The following BEST3 variants were observed in gnomAD, a reference collection of about 807,000 sequenced individuals.
BEST3 encodes the protein bestrophin-3.
BEST3 carries 50 observed loss-of-function variants against 47.1 expected under a neutral mutation model. That is an observed-to-expected ratio of 1.06 (90% CI 0.85 to 1.34). The LOEUF (loss-of-function observed/expected upper bound fraction) is 1.34. Ranked by LOEUF, BEST3 falls within the 40% of genes most tolerant of loss-of-function variation. The pLI is 0.00. For synonymous variants in BEST3, 282 were observed against 298.8 expected (o/e 0.94, Z 0.58); for missense variants, 765 against 817.0 (o/e 0.94, Z 0.78).
chr12:69,667,540 C>T (rs1286575828), intron 9 of BEST3, among the ~76,000 whole-genome samples: 1 of 152,180 alleles, frequency 6.6e-6, no homozygotes. Context: ...AACTGATCCA[C>T]CTGCCTCAGC....
chr12:69,686,304 GAGA>G (rs759809614), intron 4 of BEST3, among the ~76,000 whole-genome samples: 3 of 152,122 alleles, frequency 2.0e-5, no homozygotes, highest in Non-Finnish European at 4.4e-5. Context: ...AGTGAGAGAG[GAGA>G]AGATCACAGA....
downstream of BEST3, chr12:69,653,492 A>T: frequency 5.0e-6 from 2 of 401,880 alleles, no homozygotes; most frequent in Non-Finnish European, 6.8e-6. Context: ...ATGTGATTTT[A>T]GGCAAATACC....
intron 9 of BEST3, chr12:69,669,550 T>A (rs1462382322): frequency 6.6e-6 from 1 of 152,196 alleles, no homozygotes; most frequent in Non-Finnish European, 1.5e-5. Context: ...ATTTCCAGGG[T>A]AAGTTTAATA....
intron 9 of BEST3, among the ~76,000 whole-genome samples, chr12:69,646,604 C>T (rs1398838254): frequency 6.6e-6 from 1 of 152,182 alleles, no homozygotes; most frequent in South Asian, 2.1e-4. Flanking sequence ...ATGAGAAGGG[C>T]ATTGTCCCAC....
intron 4 of BEST3, among the ~76,000 whole-genome samples, chr12:69,691,533 G>T (rs1012650416): frequency 6.6e-6 from 1 of 152,138 alleles, no homozygotes; most frequent in Non-Finnish European, 1.5e-5. Context: ...GGTGGTTCAC[G>T]CCTGTAATCC....
intron 9 of BEST3, chr12:69,660,008 G>C (rs1473378005): frequency 6.6e-6 from 1 of 152,142 alleles, no homozygotes; most frequent in African/African-American, 2.4e-5. Flanking sequence ...TTTGAGCACT[G>C]TCTCTGTGGT....
At chr12:69,655,930 G>A in intron 9 of BEST3, 117 bp from the exon 10 acceptor site, 1 of 1,429,188 alleles carries the variant, frequency 7.0e-7, no homozygotes, top group South Asian at 1.5e-5. Context: ...TTTTTAAATG[G>A]GGGTTTGAGG....
chr12:69,670,216 A>AAATGTACACAGG (rs1884472060), intron 9 of BEST3: 3 of 488,470 alleles, frequency 6.1e-6, no homozygotes, highest in African/African-American at 1.9e-5. Flanking sequence ...GCATACAACA[A>AAATGTACACAGG]GAGATTCCTA....
chr12:69,684,092 G>A (rs1056049878), intron 4 of BEST3: 1 of 154,538 alleles, frequency 6.5e-6, no homozygotes, highest in African/African-American at 2.4e-5. Flanking sequence ...CCCACCACTT[G>A]GTTCCCTGCA....
chr12:69,657,502 A>T (rs746895283), intron 9 of BEST3, among the ~76,000 whole-genome samples: 2 of 152,122 alleles, frequency 1.3e-5, no homozygotes, highest in Non-Finnish European at 2.9e-5. Flanking sequence ...TTACATAGTT[A>T]TTTGCCACAC....
chr12:69,656,808 G>T (rs907868852), intron 9 of BEST3, among the ~76,000 whole-genome samples: 1 of 152,102 alleles, frequency 6.6e-6, no homozygotes, highest in Non-Finnish European at 1.5e-5. Flanking sequence ...TACTACACAG[G>T]GGTCAAGGGA....
chr12:69,672,460 C>T (rs1402890765), intron 8 of BEST3, among the ~76,000 whole-genome samples: 1 of 152,236 alleles, frequency 6.6e-6, no homozygotes. Context: ...TCCCAGTGTC[C>T]AGCTGGTGGC....
intron 9 of BEST3, among the ~76,000 whole-genome samples, chr12:69,645,526 G>C (rs956192693): frequency 6.6e-6 from 1 of 152,168 alleles, no homozygotes; most frequent in African/African-American, 2.4e-5. Context: ...CTGATTGACT[G>C]TTCATCAGTT....
At chr12:69,674,067 G>A (rs1033512179) in intron 7 of BEST3, among the ~76,000 whole-genome samples, 27 of 151,958 alleles carry the variant, frequency 1.8e-4, no homozygotes, top group East Asian at 1.2e-3. Context: ...GTGCATGCTC[G>A]TGTGTGTGCG....
intron 9 of BEST3, among the ~76,000 whole-genome samples, chr12:69,658,985 A>C (rs913247350): frequency 1.3e-5 from 2 of 152,302 alleles, no homozygotes; most frequent in East Asian, 3.9e-4. Context: ...AGGGGTGTCC[A>C]TGGTGGAAGG....
chr12:69,656,381 GTCTA>G (rs757758992), intron 9 of BEST3, among the ~76,000 whole-genome samples: 38 of 151,012 alleles, frequency 2.5e-4, no homozygotes, highest in African/African-American at 1.5e-4. Context: ...CTGTCTGTCT[GTCTA>G]TCTATCTATC....
At chr12:69,664,308 G>A (rs1005421082) in intron 9 of BEST3, among the ~76,000 whole-genome samples, 2 of 152,160 alleles carry the variant, frequency 1.3e-5, no homozygotes, top group Admixed American at 6.5e-5. Context: ...ATTAAGACAC[G>A]ATGACTAGAT....
chr12:69,689,248 A>T (rs185661082), intron 4 of BEST3: 2 of 985,624 alleles, frequency 2.0e-6, no homozygotes, highest in East Asian at 2.3e-4. Flanking sequence ...AGCAGACCCC[A>T]TGTGCAGACT....
intron 5 of BEST3, among the ~76,000 whole-genome samples, chr12:69,678,099 G>A (rs771188197): frequency 3.3e-5 from 5 of 151,928 alleles, no homozygotes; most frequent in Admixed American, 6.6e-5. Context: ...TTTTTTCATC[G>A]ATTGCACAAA....
Sources: gnomAD v4.1 joint callset for allele counts (sites outside exome capture counted in the v4.1 genomes callset) on GRCh38, gnomAD v4.1.1 for gene constraint, MANE v1.5 for transcripts, NCBI Gene and HGNC (gene_info 2026-07-23, HGNC 2026-07-21) for gene names.